TMEM132B: variants seen among roughly 807,000 people sequenced by gnomAD.
TMEM132B encodes the protein transmembrane protein 132B.
In TMEM132B, 18 loss-of-function variants were observed where a neutral mutation model predicts 90.8. The observed-to-expected ratio is 0.20, with a 90% CI of 0.14 to 0.29. The LOEUF (loss-of-function observed/expected upper bound fraction) is 0.29, where lower values mean the gene tolerates loss of function less well. Among genes scored for constraint, TMEM132B ranks in the 10% least tolerant of loss-of-function variants. The pLI, the probability that TMEM132B is intolerant of heterozygous loss-of-function variation, is 1.00. For missense variants in TMEM132B, 1,096 were observed against 1,326.8 expected, an observed-to-expected ratio of 0.83 and a Z score of 2.70; for synonymous variants, 504 against 523.3, an observed-to-expected ratio of 0.96 and a Z score of 0.50.
chr12:125,483,539 T>C (rs1042442431), intron 3 of TMEM132B, among the ~76,000 whole-genome samples: 26 of 152,234 alleles, frequency 1.7e-4, no homozygotes, highest in African/African-American at 6.3e-4. Context: ...GGTAATTTGG[T>C]ATCTGTCTTC....
rs1876487232 is a variant in TMEM132B, at chr12:125,323,636, A to G, written c.68-25816A>G. Among the ~76,000 whole-genome samples the G allele has an allele frequency of 3.9e-5, 6 of 151,950 alleles. No individual in the cohort carries two copies. In the South Asian group the frequency reaches 1.3e-3, roughly 32 times the overall value. On this transcript the variant is annotated intron_variant, in intron 1 of 8. Coordinates refer to ENST00000682704, the MANE Select transcript of TMEM132B (RefSeq NM_001366854.1). ...GGGGTTCAAGCGATTCTCCTGCCTC[A>G]GCCTCCTGAGTAGCTGGGATTACAG...
chr12:125,540,936 C>T (rs748355840), intron 4 of TMEM132B, among the ~76,000 whole-genome samples: 5 of 152,244 alleles, frequency 3.3e-5, no homozygotes, highest in Non-Finnish European at 7.3e-5. Context: ...GGTATCTCCC[C>T]TCCAGCCATA....
intron 1 of TMEM132B, among the ~76,000 whole-genome samples, chr12:125,191,463 G>T (rs892634703): frequency 1.3e-5 from 2 of 152,132 alleles, no homozygotes; most frequent in Non-Finnish European, 2.9e-5. Context: ...GCACTGGTCT[G>T]TGTCTTACCC....
chr12:125,238,900 CAGAA>C (rs1384150889), intron 1 of TMEM132B, among the ~76,000 whole-genome samples: 2 of 152,158 alleles, frequency 1.3e-5, no homozygotes, highest in Non-Finnish European at 2.9e-5. Flanking sequence ...AAAAGATCAG[CAGAA>C]CCCCACACCA....
chr12:125,457,997 T>C (rs1190465840), intron 3 of TMEM132B, among the ~76,000 whole-genome samples: 2 of 151,970 alleles, frequency 1.3e-5, no homozygotes, highest in African/African-American at 4.8e-5. Context: ...CAGAGCTGTA[T>C]CAGGATGGGG....
rs1462848365 is a variant in TMEM132B, at chr12:125,519,426, G to A, written c.1107-13G>A. On this transcript the variant is annotated splice_polypyrimidine_tract_variant and intron_variant, in intron 3 of 8. Coordinates refer to ENST00000682704, the MANE Select transcript of TMEM132B (RefSeq NM_001366854.1). The stretch of plus-strand genomic sequence containing the variant: ...GGTTTTAAATGGAACCTTAATATGT[G>A]TTTGTTTTCCAGGGTAAATGGATCC... 12 of 1,593,338 alleles carry A rather than the reference G, an allele frequency of 7.5e-6. No individual in the cohort carries two copies. Among genetic ancestry groups the A allele is most frequent in the Admixed American group, 3.6e-5 (2 of 56,116 alleles).
At chr12:125,236,445 C>G (rs192659798) in intron 1 of TMEM132B, among the ~76,000 whole-genome samples, 18 of 152,300 alleles carry the variant, frequency 1.2e-4, no homozygotes, top group Non-Finnish European at 2.4e-4. Context: ...GTGTGAGCCA[C>G]CGCTCCCGGT....
At chr12:125,287,959 C>T (rs555104398) in intron 1 of TMEM132B, among the ~76,000 whole-genome samples, 2 of 152,104 alleles carry the variant, frequency 1.3e-5, no homozygotes, top group African/African-American at 2.4e-5. Flanking sequence ...CCTCTGCCTC[C>T]CGGGTTCAAG....
chr12:125,518,474 C>T (rs933481719), intron 3 of TMEM132B, among the ~76,000 whole-genome samples: 3 of 152,124 alleles, frequency 2.0e-5, no homozygotes, highest in African/African-American at 7.2e-5. Flanking sequence ...GGGGAGCTTG[C>T]GGATCAGCTG....
chr12:125,606,763 C>T (rs1885706620), intron 5 of TMEM132B, among the ~76,000 whole-genome samples: 1 of 152,224 alleles, frequency 6.6e-6, no homozygotes, highest in African/African-American at 2.4e-5. Flanking sequence ...TCCCGGTGAC[C>T]TGGGACCACT....
chr12:125,322,061 T>C (rs541338170), intron 1 of TMEM132B, among the ~76,000 whole-genome samples: 1 of 152,312 alleles, frequency 6.6e-6, no homozygotes, highest in African/African-American at 2.4e-5. Context: ...GTCTTCATAC[T>C]GTGTGTTGAT....
At chr12:125,196,245 A>G (rs891032113) in intron 1 of TMEM132B, among the ~76,000 whole-genome samples, 3 of 152,354 alleles carry the variant, frequency 2.0e-5, no homozygotes, top group African/African-American at 7.2e-5. Context: ...CTATGTGCTC[A>G]TTACTGTACT....
At chr12:125,500,320 A>G (rs1309620460) in intron 3 of TMEM132B, among the ~76,000 whole-genome samples, 1 of 152,200 alleles carries the variant, frequency 6.6e-6, no homozygotes, top group East Asian at 1.9e-4. Context: ...CTGGTGGGGA[A>G]TCTCTACAAA....
At chr12:125,414,448 C>T (rs1194025698) in intron 2 of TMEM132B, among the ~76,000 whole-genome samples, 1 of 152,000 alleles carries the variant, frequency 6.6e-6, no homozygotes, top group Non-Finnish European at 1.5e-5. Flanking sequence ...TGCTGACATC[C>T]TCTAACTCCT....
intron 1 of TMEM132B, among the ~76,000 whole-genome samples, chr12:125,230,729 C>T (rs1470384574): frequency 6.6e-6 from 1 of 150,990 alleles, no homozygotes; most frequent in Admixed American, 6.6e-5. Context: ...TGGTCTCGAT[C>T]TCCTGACCTC....
chr12:125,414,697 C>T (rs532753636), intron 2 of TMEM132B, among the ~76,000 whole-genome samples: 2 of 152,322 alleles, frequency 1.3e-5, no homozygotes, highest in Admixed American at 6.5e-5. Flanking sequence ...ACATAGTAAG[C>T]AGTGGGCACC....
intron 4 of TMEM132B, among the ~76,000 whole-genome samples, chr12:125,535,595 A>T (rs1425076536): frequency 6.6e-6 from 1 of 152,232 alleles, no homozygotes; most frequent in African/African-American, 2.4e-5. Context: ...CCACGATTAA[A>T]GACCAAGCTG....
Position 125,349,625 on chromosome 12 carries a change from T to C in TMEM132B, c.241T>C (p.Tyr81His). 1 of 1,614,152 alleles carries C rather than the reference T, an allele frequency of 6.2e-7. No individual in the cohort carries two copies. Among genetic ancestry groups the C allele is most frequent in the African/African-American group, 1.3e-5 (1 of 75,020 alleles). The change falls in exon 2 of 9, where the codon TAC becomes CAC. Residue 81 changes from tyrosine to histidine, a missense_variant. Physicochemically the swap from Tyr to His is moderately conservative, Grantham distance 83. Transcript: ENST00000682704. This position sits in a 1 kb window ranked among gnomAD's most constrained non-coding sequence, Gnocchi z 4.1. ...LQARVEPFFI[Y>H]RARTPPIINA... ...GGCCCGGGTGGAGCCATTCTTCATCTACCGAGCCAGGACACCCCCTATTAT... is the reference window on the plus strand; with the variant it reads ...GGCCCGGGTGGAGCCATTCTTCATCCACCGAGCCAGGACACCCCCTATTAT...
At chr12:125,448,811 G>C (rs1881072036) in intron 3 of TMEM132B, among the ~76,000 whole-genome samples, 1 of 151,992 alleles carries the variant, frequency 6.6e-6, no homozygotes, top group Non-Finnish European at 1.5e-5. Flanking sequence ...AGTTTCAGTT[G>C]CTCCTCATTC....
Sources: gnomAD v4.1 joint callset for allele counts (sites outside exome capture counted in the v4.1 genomes callset) on GRCh38, gnomAD v4.1.1 for gene constraint, Gnocchi (gnomAD v3.1) non-coding constraint, MANE v1.5 for transcripts, NCBI Gene and HGNC (gene_info 2026-07-23, HGNC 2026-07-21) for gene names.